The following PCDHA9 variants were observed in gnomAD, a reference collection of about 807,000 sequenced individuals.
PCDHA9 encodes protocadherin alpha-9.
A neutral mutation model predicts 62.0 loss-of-function variants in PCDHA9; 62 were observed. That is an observed-to-expected ratio of 1.00 (90% CI 0.81 to 1.23). The LOEUF (loss-of-function observed/expected upper bound fraction) is 1.23. Ranked by LOEUF, PCDHA9 falls within the 50% of genes most tolerant of loss-of-function variation. The pLI is 0.00. For missense variants in PCDHA9, 1,205 were observed against 1,249.8 expected (o/e 0.96, Z 0.54); for synonymous variants, 557 against 567.6 (o/e 0.98, Z 0.27).
intron 1 of PCDHA9, chr5:140,883,801 C>T (rs782690228): frequency 4.3e-6 from 7 of 1,612,430 alleles, no homozygotes; most frequent in Non-Finnish European, 5.9e-6. Context: ...TGTCGGTGCA[C>T]GCGGAGAGCG....
intron 3 of PCDHA9, among the ~76,000 whole-genome samples, chr5:141,006,156 TA>T (rs1554260585): frequency 6.6e-6 from 1 of 151,588 alleles, no homozygotes; most frequent in East Asian, 1.9e-4. Flanking sequence ...AGGAGTGATA[TA>T]ATCTGATTTA....
chr5:140,857,004 T>C (rs1554149409), intron 1 of PCDHA9: 1 of 1,595,634 alleles, frequency 6.3e-7, no homozygotes, highest in Non-Finnish European at 8.6e-7. Context: ...GAAATTCATG[T>C]AGATGTTACA....
In PCDHA9 at chr5:141,011,633, G is replaced by A. The variant is rs988824031; in HGVS notation, c.*1696G>A. ...TTATGGTCCAGCCAAGAGCCATCTC[G>A]TGCCAAGACTTCTGCTGGCAAGGGA... is the stretch of plus-strand genomic sequence containing the variant. On this transcript the variant is annotated 3_prime_UTR_variant, in exon 4 of 4. Transcript: ENST00000532602. The A allele has an allele frequency of 6.5e-6, 1 of 153,624 alleles. No homozygotes were observed. Among genetic ancestry groups the A allele is most frequent in the Non-Finnish European group, 1.5e-5 (1 of 68,022 alleles). The allele number at this position is 153,624 out of a possible 1,614,324, so 9.5% of individuals were successfully genotyped here. A position where few individuals can be genotyped will look rare whatever the true frequency, so the allele number is the denominator to read the frequency against.
intron 1 of PCDHA9, among the ~76,000 whole-genome samples, chr5:140,907,480 C>A (rs1300090409): frequency 6.6e-6 from 1 of 152,212 alleles, no homozygotes; most frequent in Admixed American, 6.5e-5. Flanking sequence ...GCAGGATAGG[C>A]AAACCCATAT....
rs1180805331 is a variant in PCDHA9 at position 140,853,371 on chromosome 5, G to C, written c.2394+2482G>C. On this transcript the variant is annotated intron_variant, in intron 1 of 3. Coordinates refer to ENST00000532602, the MANE Select transcript of PCDHA9 (RefSeq NM_031857.2). ...ATGAACTCACAGGGATCCAGAGATGGTAAAATTCAAAACAGCCTGTCAAGT... is the reference window on the plus strand; with the variant it reads ...ATGAACTCACAGGGATCCAGAGATGCTAAAATTCAAAACAGCCTGTCAAGT... 3.0e-6 allele frequency: 3 copies of C among 983,910 alleles called. No homozygotes were observed. In the African/African-American group the frequency reaches 5.3e-5, roughly 17 times the overall value. The allele number at this position is 983,910 out of a possible 1,614,324, so 60.9% of individuals were successfully genotyped here.
intron 1 of PCDHA9, among the ~76,000 whole-genome samples, chr5:140,889,804 G>A (rs940898112): frequency 1.3e-5 from 2 of 152,112 alleles, no homozygotes; most frequent in African/African-American, 2.4e-5. Context: ...TGGGATTTAT[G>A]AAGTCAGGTC....
At chr5:140,968,321 A>ACCTCCTATGT in intron 1 of PCDHA9, 1 of 1,613,834 alleles carries the variant, frequency 6.2e-7, no homozygotes, top group Non-Finnish European at 8.5e-7. Flanking sequence ...GCTGCCAGTC[A>ACCTCCTATGT]CCTCCTATGT....
At chr5:140,870,181 G>C in intron 1 of PCDHA9, 1 of 1,614,160 alleles carries the variant, frequency 6.2e-7, no homozygotes, top group Non-Finnish European at 8.5e-7. Context: ...CCCAGTACGA[G>C]AGGACGCTCA....
chr5:141,001,102 A>T (rs1197761807), intron 3 of PCDHA9, among the ~76,000 whole-genome samples: 1 of 152,076 alleles, frequency 6.6e-6, no homozygotes, highest in African/African-American at 2.4e-5. Context: ...TCTAATCCAT[A>T]ATAAGCAATC....
intron 3 of PCDHA9, among the ~76,000 whole-genome samples, 199 bp downstream of exon 3, chr5:140,982,762 TAAC>T (rs1210027762): frequency 6.6e-6 from 1 of 152,130 alleles, no homozygotes; most frequent in Non-Finnish European, 1.5e-5. Context: ...TGAAAAAGGA[TAAC>T]AAGGAAAGTG....
chr5:140,862,621 C>T, intron 1 of PCDHA9: 1 of 528,720 alleles, frequency 1.9e-6, no homozygotes. Flanking sequence ...TAACAACCCG[C>T]GGGGCTGCCA....
chr5:140,884,042 G>A (rs1554181105), intron 1 of PCDHA9: 4 of 1,613,464 alleles, frequency 2.5e-6, no homozygotes, highest in Non-Finnish European at 3.4e-6. Flanking sequence ...CCACGTGGTG[G>A]CGAAGGTGCG....
chr5:140,878,800 A>T (rs1324441458), intron 1 of PCDHA9, among the ~76,000 whole-genome samples: 1 of 152,182 alleles, frequency 6.6e-6, no homozygotes, highest in Non-Finnish European at 1.5e-5. Context: ...CTTTTTAAAA[A>T]CATATGGGGG....
At chr5:140,879,876 A>G (rs1326051828) in intron 1 of PCDHA9, among the ~76,000 whole-genome samples, 1 of 152,126 alleles carries the variant, frequency 6.6e-6, no homozygotes, top group Non-Finnish European at 1.5e-5. Flanking sequence ...TCATGGTCAC[A>G]TTGCCTCCTC....
intron 1 of PCDHA9, chr5:140,870,813 C>T (rs568167153): frequency 1.2e-6 from 2 of 1,613,702 alleles, no homozygotes; most frequent in South Asian, 1.1e-5. Flanking sequence ...CTCAGGCTGG[C>T]AGCGCGGGAG....
At chr5:140,956,925 G>GA (rs1487375223) in intron 1 of PCDHA9, among the ~76,000 whole-genome samples, 1 of 151,858 alleles carries the variant, frequency 6.6e-6, no homozygotes, top group Non-Finnish European at 1.5e-5. Context: ...AATCTTGCTG[G>GA]ATATAGGATA....
intron 2 of PCDHA9, among the ~76,000 whole-genome samples, chr5:140,981,118 G>A (rs1205022984): frequency 6.6e-6 from 1 of 152,196 alleles, no homozygotes; most frequent in Admixed American, 6.5e-5. Flanking sequence ...TACTGGATAT[G>A]TTGTTTGAAG....
At chr5:140,864,746 A>G (rs989903827) in intron 1 of PCDHA9, 1 of 152,144 alleles carries the variant, frequency 6.6e-6, no homozygotes, top group Admixed American at 6.5e-5. Context: ...AGCACCGATT[A>G]TACTCATTTT....
Position 141,011,329 on chromosome 5 carries a change from T to G in PCDHA9, c.*1392T>G, listed in dbSNP as rs924246191. 6.5e-6 allele frequency: 1 copy of G among 153,804 alleles called. No homozygotes were observed. Among genetic ancestry groups the G allele is most frequent in the African/African-American group, 2.4e-5 (1 of 41,472 alleles). 9.5% of individuals were successfully genotyped at this position (153,804 alleles called of 1,614,324 possible). ...TTGCTAATCTTACTAACACCTATGA[T>G]GTTACCTGAAATCAATCTCCCATAT... is the stretch of plus-strand genomic sequence containing the variant. On this transcript the variant is annotated 3_prime_UTR_variant, in exon 4 of 4. Coordinates refer to ENST00000532602, the MANE Select transcript of PCDHA9 (RefSeq NM_031857.2).
Sources: gnomAD v4.1 joint callset for allele counts (sites outside exome capture counted in the v4.1 genomes callset) on GRCh38, gnomAD v4.1.1 for gene constraint, MANE v1.5 for transcripts, NCBI Gene and HGNC (gene_info 2026-07-23, HGNC 2026-07-21) for gene names.